The following RGS12 variants were observed in gnomAD, a reference collection of about 807,000 sequenced individuals.
RGS12 encodes regulator of G-protein signaling 12.
Under a neutral mutation model 120.1 loss-of-function variants are expected in RGS12, and 66 were observed. The ratio of observed to expected loss-of-function variants is 0.55; its 90% CI spans 0.45 to 0.67. The LOEUF is 0.67. Ranked by LOEUF, RGS12 falls within the 30% of genes least tolerant of loss-of-function variation. RGS12 has a pLI of 0.00. For synonymous variants in RGS12, 827 were observed against 804.7 expected, an observed-to-expected ratio of 1.03 and a Z score of -0.47; for missense variants, 1,859 against 1,957.7, an observed-to-expected ratio of 0.95 and a Z score of 0.95.
intron 3 of RGS12, among the ~76,000 whole-genome samples, chr4:3,363,374 C>T (rs752509544): frequency 1.2e-4 from 18 of 152,104 alleles, no homozygotes; most frequent in Non-Finnish European, 2.1e-4. Context: ...TTTTAAAAAT[C>T]CTGTTTCAGC....
Position 3,390,921 on chromosome 4 carries a change from G to A in RGS12, c.2020+4484G>A, listed in dbSNP as rs938684051. 2.0e-5 allele frequency among the ~76,000 whole-genome samples: 3 copies of A among 152,204 alleles called. No individual in the cohort carries two copies. The highest frequency in any genetic ancestry group is 2.9e-5 in the Non-Finnish European group (2 of 68,016). ...ATATTTTTGGCAAATGCCAAAATTTGTATTCTATACAATTTTGAAAGAGAA... is the reference window on the plus strand; with the variant it reads ...ATATTTTTGGCAAATGCCAAAATTTATATTCTATACAATTTTGAAAGAGAA... On this transcript the variant is annotated intron_variant, in intron 4 of 17. Coordinates refer to ENST00000336727, the MANE Select transcript of RGS12 (RefSeq NM_001394154.1). The surrounding 1 kb of genome is among the most constrained non-coding windows in gnomAD (Gnocchi z 4.6).
chr4:3,351,371 C>T (rs564821850), intron 3 of RGS12, among the ~76,000 whole-genome samples: 1 of 152,226 alleles, frequency 6.6e-6, no homozygotes, highest in African/African-American at 2.4e-5. Context: ...TTTGATCTGA[C>T]AGCCCTTAGC....
In RGS12 at chr4:3,342,288, T is replaced by G. The variant is rs566072273; in HGVS notation, c.1882-649T>G. 1.4e-3 allele frequency: 857 copies of G among 613,356 alleles called. 1 individual carries two copies. The highest frequency in any genetic ancestry group is 1.7e-3 in the Non-Finnish European group (768 of 457,952). The allele number at this position is 613,356 out of a possible 1,614,324, so 38.0% of individuals were successfully genotyped here. On this transcript the variant is annotated intron_variant, in intron 2 of 17. Transcript: ENST00000336727. ...TTTGTTTTTAAGAGGTGGCGACTGA[T>G]TTGCTGGAGCCAGCTTCTCATCTGG... is the stretch of plus-strand genomic sequence containing the variant.
intron 4 of RGS12, chr4:3,407,711 G>A (rs2109065891): frequency 6.6e-6 from 1 of 152,358 alleles, no homozygotes; most frequent in Admixed American, 6.5e-5. Flanking sequence ...GCAGTGACGT[G>A]TTTCGTGATC....
intron 3 of RGS12, among the ~76,000 whole-genome samples, chr4:3,348,608 T>C (rs1217832493): frequency 6.6e-6 from 1 of 152,260 alleles, no homozygotes; most frequent in East Asian, 1.9e-4. Context: ...AGTCACAGTA[T>C]GGGAAGTTTT....
At chr4:3,404,492 T>C (rs773670398) in intron 4 of RGS12, among the ~76,000 whole-genome samples, 1 of 152,204 alleles carries the variant, frequency 6.6e-6, no homozygotes, top group African/African-American at 2.4e-5. Context: ...GGTCAGTCGT[T>C]CTTAAGCTGC....
At chr4:3,371,858 C>T (rs1032715246) in intron 3 of RGS12, among the ~76,000 whole-genome samples, 19 of 152,308 alleles carry the variant, frequency 1.2e-4, no homozygotes, top group African/African-American at 2.9e-4. Context: ...TTTGGAGTTC[C>T]GTGTGTCTCC....
chr4:3,386,157 A>G, intron 3 of RGS12: 1 of 546,258 alleles, frequency 1.8e-6, no homozygotes, highest in Non-Finnish European at 3.2e-6. Flanking sequence ...TAAGACTGTA[A>G]TGTCAGACAT....
At chr4:3,404,936 G>A (rs1214182663) in intron 4 of RGS12, among the ~76,000 whole-genome samples, 1 of 152,216 alleles carries the variant, frequency 6.6e-6, no homozygotes, top group Admixed American at 6.5e-5. Context: ...AAATAAGGCA[G>A]TGCTTAAGGC....
upstream of RGS12, among the ~76,000 whole-genome samples, chr4:3,292,289 C>T (rs1050287917): frequency 6.6e-6 from 1 of 152,262 alleles, no homozygotes; most frequent in African/African-American, 2.4e-5. Flanking sequence ...CCGGGCAGCT[C>T]CTCCTCTCGT....
At chr4:3,431,732 CAG>C (rs1278342069) in intron 17 of RGS12, 7 of 985,480 alleles carry the variant, frequency 7.1e-6, no homozygotes, top group African/African-American at 1.7e-5. Flanking sequence ...AGGAGCCGCT[CAG>C]GGTGCGCGTC....
chr4:3,351,011 C>T (rs1185522831), intron 3 of RGS12, among the ~76,000 whole-genome samples: 4 of 151,850 alleles, frequency 2.6e-5, no homozygotes, highest in Non-Finnish European at 2.9e-5. Flanking sequence ...TTTGACAAAA[C>T]GGAACTTTTA....
intron 2 of RGS12, among the ~76,000 whole-genome samples, chr4:3,333,412 A>G (rs1468741251): frequency 1.3e-5 from 2 of 152,250 alleles, no homozygotes; most frequent in Non-Finnish European, 2.9e-5. Flanking sequence ...TGCCGGGATT[A>G]CAGGCGTGAG....
intron 12 of RGS12, 124 bp downstream of exon 12, chr4:3,423,102 G>A (rs1037736399): frequency 7.3e-6 from 5 of 682,320 alleles, no homozygotes; most frequent in African/African-American, 1.8e-5. Context: ...ACGATGGGGT[G>A]TCGGGGCGGG....
At chr4:3,429,377 AG>A (rs1416457191) in intron 16 of RGS12, among the ~76,000 whole-genome samples, 1 of 152,260 alleles carries the variant, frequency 6.6e-6, no homozygotes, top group Non-Finnish European at 1.5e-5. Context: ...CGTACTTGCC[AG>A]TCCACCTGGC....
At chr4:3,297,293 T>G (rs567415393) in intron 1 of RGS12, among the ~76,000 whole-genome samples, 2 of 152,298 alleles carry the variant, frequency 1.3e-5, no homozygotes, top group Middle Eastern at 6.8e-3. Flanking sequence ...AAGGGCTGAG[T>G]CTGTGGATTG....
intron 4 of RGS12, among the ~76,000 whole-genome samples, chr4:3,411,858 G>A (rs1234577096): frequency 2.0e-5 from 3 of 152,384 alleles, no homozygotes; most frequent in Admixed American, 6.5e-5. Flanking sequence ...TGGCTTGGCC[G>A]CCCTGTCCTG....
At chr4:3,414,356 C>T (rs996084546) in intron 5 of RGS12, 115 bp downstream of exon 5, 28 of 1,220,004 alleles carry the variant, frequency 2.3e-5, no homozygotes, top group Non-Finnish European at 2.9e-5. Flanking sequence ...TGAGCAGCCC[C>T]GTGGCAGGGG....
intron 17 of RGS12, among the ~76,000 whole-genome samples, chr4:3,432,428 G>A (rs1724400239): frequency 1.3e-5 from 2 of 152,222 alleles, no homozygotes; most frequent in Non-Finnish European, 2.9e-5. Context: ...AGATGAGCTG[G>A]CCTGCTGGCC....
Sources: gnomAD v4.1 joint callset for allele counts (sites outside exome capture counted in the v4.1 genomes callset) on GRCh38, gnomAD v4.1.1 for gene constraint, Gnocchi (gnomAD v3.1) non-coding constraint, MANE v1.5 for transcripts, NCBI Gene and HGNC (gene_info 2026-07-23, HGNC 2026-07-21) for gene names.